The following EBAG9 variants were observed in gnomAD, a reference collection of about 807,000 sequenced individuals.
EBAG9 encodes the protein estrogen receptor binding site associated antigen 9, also known as receptor-binding cancer antigen expressed on SiSo cells.
In EBAG9, 16 loss-of-function variants were observed where a neutral mutation model predicts 30.9. That is an observed-to-expected ratio of 0.52 (90% CI 0.35 to 0.79). The LOEUF is 0.79. Ranked by LOEUF, EBAG9 falls within the 30% of genes least tolerant of loss-of-function variation. The pLI is 0.01. For synonymous variants in EBAG9, 93 were observed against 82.8 expected (o/e 1.12, Z -0.67); for missense variants, 197 against 242.1 (o/e 0.81, Z 1.24).
chr8:109,548,371 C>A (rs1311861170), intron 1 of EBAG9, among the ~76,000 whole-genome samples: 1 of 152,066 alleles, frequency 6.6e-6, no homozygotes, highest in Non-Finnish European at 1.5e-5. Context: ...CAATACTACA[C>A]AGTTTTGATT....
chr8:109,560,770 C>G, intron 5 of EBAG9, 68 bp from the exon 6 acceptor site: 1 of 1,108,332 alleles, frequency 9.0e-7, no homozygotes, highest in East Asian at 2.5e-5. Context: ...AAAAGATACT[C>G]TTTTTAACGG....
At chr8:109,551,092 G>C (rs959385144) in intron 2 of EBAG9, among the ~76,000 whole-genome samples, 185 bp downstream of exon 2, 23 of 151,938 alleles carry the variant, frequency 1.5e-4, no homozygotes, top group Admixed American at 1.2e-3. Flanking sequence ...AGAAAATAGA[G>C]GTTCAGTTGT....
intron 4 of EBAG9, 144 bp from the exon 5 acceptor site, chr8:109,556,791 G>A (rs1821606498): frequency 2.4e-6 from 1 of 414,100 alleles, no homozygotes; most frequent in Non-Finnish European, 4.2e-6. Flanking sequence ...CTGGGAAATT[G>A]GTATTTACAG....
Position 109,554,676 on chromosome 8 carries a change from G to A in EBAG9, c.163-53G>A, listed in dbSNP as rs538046869. ...ATTTTTCTAATAAATCATCAATGAT[G>A]TGTTCATTAAGTTGCCCCTTTGTGG... On this transcript the variant is annotated intron_variant, in intron 3 of 6. Coordinates refer to ENST00000337573, the MANE Select transcript of EBAG9 (RefSeq NM_004215.5). 77 of 1,544,054 alleles carry A rather than the reference G, an allele frequency of 5.0e-5. No homozygotes were observed. The South Asian group carries it at 6.7e-4, about 13-fold the overall frequency.
rs752421439 is a variant in EBAG9 at position 109,564,558 on chromosome 8, A to G, written c.641A>G (p.Ter214=). ...AACAAAATTGGTGTGAAACTTTCAT[A>G]ACACATGTTCAAATTTTATCATGCC... ...EQNKIGVKLS[*] Residue 214 remains the stop codon, a stop_retained_variant, in exon 7 of 7, where the codon TAA becomes TGA. Transcript: ENST00000337573. 2 of 1,611,646 alleles carry G rather than the reference A, an allele frequency of 1.2e-6. No homozygotes were observed. The highest frequency in any genetic ancestry group is 1.1e-5 in the South Asian group (1 of 90,948).
chr8:109,563,863 A>G (rs1821761102), intron 6 of EBAG9, among the ~76,000 whole-genome samples: 1 of 151,388 alleles, frequency 6.6e-6, no homozygotes, highest in Non-Finnish European at 1.5e-5. Flanking sequence ...AATACCCACC[A>G]CTCTTCTCTT....
At chr8:109,559,858 G>A (rs1821676853) in intron 5 of EBAG9, among the ~76,000 whole-genome samples, 2 of 150,960 alleles carry the variant, frequency 1.3e-5, no homozygotes, top group African/African-American at 2.4e-5. Flanking sequence ...TCTACCTACT[G>A]CGGTCAAGAG....
At chr8:109,541,896 C>A (rs547065850) in intron 1 of EBAG9, among the ~76,000 whole-genome samples, 2 of 152,172 alleles carry the variant, frequency 1.3e-5, no homozygotes, top group African/African-American at 4.8e-5. Flanking sequence ...CAAAGTGTGG[C>A]TTGATCGCAT....
upstream of EBAG9, chr8:109,540,006 G>C (rs1821237403): frequency 1.3e-5 from 2 of 152,754 alleles, no homozygotes; most frequent in Non-Finnish European, 1.5e-5. Context: ...CTGGGGCATT[G>C]TCTGCCCTTC....
At chr8:109,561,304 A>G (rs1821706355) in intron 6 of EBAG9, among the ~76,000 whole-genome samples, 2 of 151,702 alleles carry the variant, frequency 1.3e-5, no homozygotes, top group Non-Finnish European at 2.9e-5. Context: ...CTTTATTTCC[A>G]TTTCCTCATG....
chr8:109,559,645 C>G (rs951106367), intron 5 of EBAG9, among the ~76,000 whole-genome samples: 2 of 151,878 alleles, frequency 1.3e-5, no homozygotes, highest in Non-Finnish European at 2.9e-5. Context: ...GACCTCATCT[C>G]TAAAAAAATG....
In EBAG9 at chr8:109,553,932, G is replaced by C. The variant is rs139788553; in HGVS notation, c.151G>C (p.Val51Leu). 6.2e-6 allele frequency: 10 copies of C among 1,604,158 alleles called. No homozygotes were observed. The highest frequency in any genetic ancestry group is 4.0e-5 in the African/African-American group (3 of 74,348). The part of the protein sequence containing the change: ...TLPTTVDYSS[V>L]PKQTDVEEWT... ...GCCAACTACAGTTGATTATTCATCA[G>C]TTCCTAAGCAGGTAGGTTTTTTTTG... Residue 51 changes from valine (V) to leucine (L), a missense_variant, in exon 3 of 7, where the codon GTT becomes CTT. Coordinates refer to ENST00000337573, the MANE Select transcript of EBAG9 (RefSeq NM_004215.5).
intron 1 of EBAG9, 58 bp from the exon 2 acceptor site, chr8:109,550,752 A>C: frequency 2.0e-6 from 2 of 975,714 alleles, no homozygotes; most frequent in Non-Finnish European, 3.2e-6. Context: ...TTTTCAGGAC[A>C]GGAGTATGAC....
intron 1 of EBAG9, among the ~76,000 whole-genome samples, chr8:109,547,772 G>A (rs1317218223): frequency 6.6e-5 from 10 of 152,088 alleles, no homozygotes; most frequent in African/African-American, 2.2e-4. Context: ...GAGCCACCAC[G>A]CCTGGCCTTG....
At chr8:109,562,729 G>A (rs965213520) in intron 6 of EBAG9, among the ~76,000 whole-genome samples, 6 of 151,540 alleles carry the variant, frequency 4.0e-5, no homozygotes, top group Admixed American at 1.3e-4. Flanking sequence ...AAAATGCTTG[G>A]GACCAGAAGT....
chr8:109,552,714 T>C (rs1046716689), intron 2 of EBAG9, among the ~76,000 whole-genome samples: 5 of 152,200 alleles, frequency 3.3e-5, no homozygotes, highest in African/African-American at 1.2e-4. Context: ...TTAGAATTGA[T>C]TGTATGTTCA....
At chr8:109,552,656 G>A (rs981982859) in intron 2 of EBAG9, among the ~76,000 whole-genome samples, 12 of 152,184 alleles carry the variant, frequency 7.9e-5, no homozygotes, top group African/African-American at 2.6e-4. Context: ...AAAATATTAA[G>A]GACATTCCTA....
At chr8:109,560,341 T>TA (rs1259215652) in intron 5 of EBAG9, among the ~76,000 whole-genome samples, 2 of 152,148 alleles carry the variant, frequency 1.3e-5, no homozygotes, top group Non-Finnish European at 2.9e-5. Context: ...TAAGTGCCAA[T>TA]AAAAAATCTC....
intron 5 of EBAG9, chr8:109,557,680 C>T: frequency 4.4e-6 from 2 of 455,814 alleles, no homozygotes; most frequent in Non-Finnish European, 4.4e-6. Flanking sequence ...ATTGGGAATC[C>T]AGGTGACTAA....
Sources: gnomAD v4.1 joint callset for allele counts (sites outside exome capture counted in the v4.1 genomes callset) on GRCh38, gnomAD v4.1.1 for gene constraint, MANE v1.5 for transcripts, NCBI Gene and HGNC (gene_info 2026-07-23, HGNC 2026-07-21) for gene names.